The following C18orf54 variants were observed in gnomAD, a reference collection of about 807,000 sequenced individuals.
C18orf54 encodes lung adenoma susceptibility protein 2.
A neutral mutation model predicts 49.3 loss-of-function variants in C18orf54; 49 were observed. The observed-to-expected ratio is 0.99, with a 90% CI of 0.79 to 1.26. The LOEUF (loss-of-function observed/expected upper bound fraction) is 1.26, where lower values mean the gene tolerates loss of function less well. Among genes scored for constraint, C18orf54 ranks in the 50% most tolerant of loss-of-function variants. The pLI is 0.00. For missense variants in C18orf54, 687 were observed against 620.6 expected, an observed-to-expected ratio of 1.11 and a Z score of -1.14; for synonymous variants, 211 against 216.6, an observed-to-expected ratio of 0.97 and a Z score of 0.23.
intron 8 of C18orf54, among the ~76,000 whole-genome samples, chr18:54,375,675 T>G (rs561151800): frequency 1.7e-4 from 26 of 151,996 alleles, no homozygotes; most frequent in Non-Finnish European, 3.1e-4. Flanking sequence ...TAAGTGCTTT[T>G]ACCATTTGCT....
chr18:54,372,774 T>C (rs1472406818), intron 7 of C18orf54, among the ~76,000 whole-genome samples, 177 bp downstream of exon 7: 2 of 151,948 alleles, frequency 1.3e-5, no homozygotes, highest in Non-Finnish European at 2.9e-5. Flanking sequence ...TTAATTCTGT[T>C]TGATTTCTGT....
chr18:54,377,851 G>T (rs2089601937), intron 8 of C18orf54, among the ~76,000 whole-genome samples: 2 of 152,028 alleles, frequency 1.3e-5, no homozygotes, highest in Admixed American at 1.3e-4. Flanking sequence ...AAAATTACTT[G>T]AAAAAAGTGT....
chr18:54,366,816 T>TAA (rs58803532), intron 6 of C18orf54, among the ~76,000 whole-genome samples: 59 of 150,438 alleles, frequency 3.9e-4, no homozygotes, highest in Middle Eastern at 3.4e-3. Flanking sequence ...GAGTGTTTAA[T>TAA]AAAAAAAAAG....
rs138368729 is a variant in C18orf54, at chr18:54,377,296, G to A, written c.1530-878G>A. ...AGGTGGTCATATCATCAGGTGATAT[G>A]CCCATCCCAGTCTCCCAAAGTGCAT... On this transcript the variant is annotated intron_variant, in intron 8 of 8. Transcript: ENST00000620105. 1.3e-3 allele frequency among the ~76,000 whole-genome samples: 197 copies of A among 152,208 alleles called. 3 individuals are homozygous for A. In the East Asian group the frequency reaches 0.033, roughly 26 times the overall value.
chr18:54,361,152 A>G lies in C18orf54; in HGVS notation c.283+297A>G, dbSNP rs183475787. Among the ~76,000 whole-genome samples, 640 of 152,352 alleles carry G rather than the reference A, an allele frequency of 4.2e-3. 10 individuals carry two copies. The highest frequency in any genetic ancestry group is 0.015 in the African/African-American group (624 of 41,584). ...ACTTGCAGAATGACCCTAGAATAGA[A>G]AAAGTTTGTATTCAGTTCTTGGAGG... is the stretch of plus-strand genomic sequence containing the variant. On this transcript the variant is annotated intron_variant, in intron 3 of 8. Coordinates refer to ENST00000620105, the MANE Select transcript of C18orf54 (RefSeq NM_001288980.2).
At chr18:54,365,131 G>GA (rs2089356988) in intron 5 of C18orf54, among the ~76,000 whole-genome samples, 1 of 151,952 alleles carries the variant, frequency 6.6e-6, no homozygotes, top group African/African-American at 2.4e-5. Flanking sequence ...AGATAGATGG[G>GA]ACTACAAATG....
chr18:54,374,397 T>A, intron 8 of C18orf54, 113 bp downstream of exon 8: 2 of 1,165,582 alleles, frequency 1.7e-6, no homozygotes, highest in African/African-American at 1.8e-5. Context: ...TAGGCATATT[T>A]AAGCTTCTTG....
chr18:54,364,470 T>G (rs753951554), intron 5 of C18orf54, among the ~76,000 whole-genome samples: 11 of 152,116 alleles, frequency 7.2e-5, no homozygotes, highest in Non-Finnish European at 1.5e-4. Context: ...AAGGGAATGT[T>G]TGTAGATAAA....
Position 54,369,466 on chromosome 18 carries a change from C to CTTT in C18orf54, c.1327-2980_1327-2978dup, listed in dbSNP as rs140753589. Reference sequence around the variant, plus strand: ...ACTAGATTACATTATTTGTATATTGCTTTTTTTTTTTTTTTTTTTTTTGGA... The same window carrying CTTT: ...ACTAGATTACATTATTTGTATATTGCTTTTTTTTTTTTTTTTTTTTTTTTTGGA... On this transcript the variant is annotated intron_variant, in intron 6 of 8. Coordinates refer to ENST00000620105, the MANE Select transcript of C18orf54 (RefSeq NM_001288980.2). 2.2e-3 allele frequency among the ~76,000 whole-genome samples: 197 copies of CTTT among 89,154 alleles called. 2 individuals carry two copies. Among genetic ancestry groups the CTTT allele is most frequent in the South Asian group, 4.4e-3 (10 of 2,262 alleles). The allele number at this position is 89,154 out of a possible 152,430, so 58.5% of individuals were successfully genotyped here. A position where few individuals can be genotyped will look rare whatever the true frequency, so the allele number is the denominator to read the frequency against.
chr18:54,369,612 G>A (rs1255602548), intron 6 of C18orf54, among the ~76,000 whole-genome samples: 8 of 151,546 alleles, frequency 5.3e-5, no homozygotes, highest in African/African-American at 1.9e-4. Flanking sequence ...GGGATTACAG[G>A]CACCCACCAC....
chr18:54,366,055 CTG>C (rs1404856944), intron 6 of C18orf54, among the ~76,000 whole-genome samples: 2 of 151,802 alleles, frequency 1.3e-5, no homozygotes, highest in South Asian at 2.1e-4. Flanking sequence ...ATGGGATACA[CTG>C]TGAATATACA....
intron 5 of C18orf54, among the ~76,000 whole-genome samples, chr18:54,363,681 A>G (rs754014532): frequency 2.0e-5 from 3 of 152,134 alleles, no homozygotes; most frequent in Non-Finnish European, 2.9e-5. Context: ...TCCTTAAATG[A>G]TGGTACATTT....
intron 5 of C18orf54, among the ~76,000 whole-genome samples, chr18:54,363,552 G>A (rs1451164187): frequency 2.0e-5 from 3 of 151,884 alleles, no homozygotes; most frequent in African/African-American, 4.8e-5. Context: ...TCCTGACCTC[G>A]TGATCCGCCC....
intron 2 of C18orf54, among the ~76,000 whole-genome samples, chr18:54,359,476 GAT>G (rs1448925229): frequency 6.6e-6 from 1 of 152,158 alleles, no homozygotes; most frequent in Non-Finnish European, 1.5e-5. Context: ...GTGGTAGGAT[GAT>G]GTTTTACTTT....
intron 6 of C18orf54, among the ~76,000 whole-genome samples, chr18:54,368,140 A>T (rs561811940): frequency 3.3e-5 from 5 of 151,964 alleles, no homozygotes; most frequent in Admixed American, 6.6e-5. Flanking sequence ...GAGTTTTTTT[A>T]AAAAAACATG....
In C18orf54 at chr18:54,380,552, A is replaced by G. The variant is rs2089650347; in HGVS notation, c.*2306A>G. The G allele has an allele frequency of 6.6e-6, 1 of 152,108 alleles. No individual in the cohort carries two copies. Among genetic ancestry groups the G allele is most frequent in the Non-Finnish European group, 1.5e-5 (1 of 67,966 alleles). 9.4% of individuals were successfully genotyped at this position (152,108 alleles called of 1,614,324 possible). On this transcript the variant is annotated 3_prime_UTR_variant, in exon 9 of 9. Transcript: ENST00000620105. ...CTTTACTATCAAGAACTCTACTTTC[A>G]GTTGTTTCTCAGACAGTTAATTTCA...
At chr18:54,362,469 C>CT (rs758697016) in intron 4 of C18orf54, 38 bp downstream of exon 4, 39 of 1,421,454 alleles carry the variant, frequency 2.7e-5, no homozygotes, top group South Asian at 1.3e-4. Flanking sequence ...ATTTATTTTT[C>CT]TTTTTTTTAA....
chr18:54,361,954 C>T lies in C18orf54; in HGVS notation c.595C>T (p.Leu199=). The change falls in exon 4 of 9, where the codon CTG becomes TTG. Residue 199 remains leucine, a synonymous_variant. Coordinates refer to ENST00000620105, the MANE Select transcript of C18orf54 (RefSeq NM_001288980.2). Reference sequence around the variant, plus strand: ...TATAAATGGAAAGCAATGTGGTAGGCTGAAAAACCCAAAACTTATGAATAG... The same window carrying T: ...TATAAATGGAAAGCAATGTGGTAGGTTGAAAAACCCAAAACTTATGAATAG... ...SNINGKQCGR[L]KNPKLMNRTN... is the part of the protein sequence containing the mutation. 6.2e-7 allele frequency: 1 copy of T among 1,614,042 alleles called. No homozygotes were observed.
At chr18:54,359,508 A>G (rs1384929236) in intron 2 of C18orf54, among the ~76,000 whole-genome samples, 1 of 152,228 alleles carries the variant, frequency 6.6e-6, no homozygotes, top group Non-Finnish European at 1.5e-5. Flanking sequence ...TTAATTAGAA[A>G]ACTTTCGATG....
Sources: gnomAD v4.1 joint callset for allele counts (sites outside exome capture counted in the v4.1 genomes callset) on GRCh38, gnomAD v4.1.1 for gene constraint, MANE v1.5 for transcripts, NCBI Gene and HGNC (gene_info 2026-07-23, HGNC 2026-07-21) for gene names.